DYNLL1: variants seen among roughly 807,000 people sequenced by gnomAD.
DYNLL1 encodes dynein light chain LC8-type 1.
In DYNLL1, 3 loss-of-function variants were observed where a neutral mutation model predicts 10.1. The observed-to-expected ratio is 0.30, with a 90% CI of 0.14 to 0.77. The LOEUF is 0.77. Ranked by LOEUF, DYNLL1 falls within the 30% of genes least tolerant of loss-of-function variation. The pLI is 0.66. For missense variants in DYNLL1, 47 were observed against 111.7 expected (o/e 0.42, Z 2.61); for synonymous variants, 46 against 41.2 (o/e 1.12, Z -0.45).
At chr12:120,487,199 C>T (rs910213968) in intron 1 of DYNLL1, among the ~76,000 whole-genome samples, 1 of 142,240 alleles carries the variant, frequency 7.0e-6, no homozygotes, top group African/African-American at 2.6e-5. Context: ...TGGTCTCGAT[C>T]TCTGACCTCG....
At chr12:120,497,077 G>C (rs965415522) in intron 2 of DYNLL1, 1 of 191,628 alleles carries the variant, frequency 5.2e-6, no homozygotes, top group Non-Finnish European at 1.1e-5. Context: ...GGCAGCCTAA[G>C]CCGTGGGAGG....
chr12:120,496,616 G>T (rs777915179), intron 2 of DYNLL1, 63 bp downstream of exon 2: 7 of 1,613,538 alleles, frequency 4.3e-6, no homozygotes, highest in Middle Eastern at 1.6e-4. Context: ...CCCCGATCCT[G>T]CTTTCCTAAG....
intron 2 of DYNLL1, chr12:120,496,773 C>G (rs1483398545): frequency 1.5e-6 from 1 of 657,964 alleles, no homozygotes; most frequent in African/African-American, 1.8e-5. Context: ...TTACCCAGCT[C>G]CGCGGGGGGA....
chr12:120,479,876 C>G, intron 1 of DYNLL1, among the ~76,000 whole-genome samples: 1 of 152,174 alleles, frequency 6.6e-6, no homozygotes, highest in East Asian at 1.9e-4. Context: ...TTAGATTACA[C>G]ATGTCAGTCC....
rs993174939 is a variant in DYNLL1, at chr12:120,496,154, G to T, written c.-69G>T. 63 of 575,576 alleles carry T rather than the reference G, an allele frequency of 1.1e-4. No individual in the cohort carries two copies. The Middle Eastern group carries it at 3.3e-3, about 30-fold the overall frequency. 35.7% of individuals were successfully genotyped at this position (575,576 alleles called of 1,614,324 possible). A position where few individuals can be genotyped will look rare whatever the true frequency, so the allele number is the denominator to read the frequency against. On this transcript the variant is annotated 5_prime_UTR_variant, in exon 1 of 3. Coordinates refer to ENST00000242577, the MANE Select transcript of DYNLL1 (RefSeq NM_003746.3). ...CGGTAGCGACGGTATCTCTAGCCGGGCCTGAGCTGTGCTAGCACCTCCCCC... is the reference window on the plus strand; with the variant it reads ...CGGTAGCGACGGTATCTCTAGCCGGTCCTGAGCTGTGCTAGCACCTCCCCC...
At chr12:120,490,883 A>G (rs1879110722) in intron 1 of DYNLL1, 1 of 152,252 alleles carries the variant, frequency 6.6e-6, no homozygotes, top group Non-Finnish European at 1.5e-5. Context: ...AGTGGTAGCT[A>G]GCATCACTGA....
At chr12:120,482,614 G>T (rs374390844) in intron 1 of DYNLL1, among the ~76,000 whole-genome samples, 6 of 151,926 alleles carry the variant, frequency 3.9e-5, no homozygotes, top group Admixed American at 2.0e-4. Flanking sequence ...GAGCCACCAT[G>T]CCCGGCCTAG....
upstream of DYNLL1, chr12:120,495,890 T>A (rs1471602954): frequency 6.0e-6 from 1 of 166,294 alleles, no homozygotes; most frequent in Non-Finnish European, 1.3e-5. Flanking sequence ...GTGGGCCTCG[T>A]AGCGTGCGGC....
At chr12:120,477,492 T>C (rs1878780746) in intron 1 of DYNLL1, among the ~76,000 whole-genome samples, 1 of 152,060 alleles carries the variant, frequency 6.6e-6, no homozygotes, top group Non-Finnish European at 1.5e-5. Context: ...CAGTCAGGCG[T>C]GGTGGCTCAT....
intron 1 of DYNLL1, among the ~76,000 whole-genome samples, chr12:120,489,036 T>G (rs1415885401): frequency 1.1e-4 from 17 of 152,162 alleles, no homozygotes; most frequent in Admixed American, 1.1e-3. Flanking sequence ...AGAGCTTCTC[T>G]GGGGCAGGTG....
At chr12:120,496,671 A>C (rs1279361591) in intron 2 of DYNLL1, 118 bp downstream of exon 2, 1 of 1,553,008 alleles carries the variant, frequency 6.4e-7, no homozygotes, top group Admixed American at 1.8e-5. Flanking sequence ...CTTGGGGCGT[A>C]GAAGCTTCCA....
intron 1 of DYNLL1, chr12:120,470,226 T>TA (rs1878613889): frequency 6.6e-6 from 1 of 152,294 alleles, no homozygotes; most frequent in Non-Finnish European, 1.5e-5. Context: ...GTAAGACTCT[T>TA]AATGAGTATC....
chr12:120,488,667 T>G (rs1229355734), intron 1 of DYNLL1: 9 of 152,164 alleles, frequency 5.9e-5, no homozygotes, highest in African/African-American at 1.9e-4. Context: ...ATCCCAGCAC[T>G]TTGGGAGGCC....
intron 1 of DYNLL1, among the ~76,000 whole-genome samples, chr12:120,488,976 T>C (rs1212326296): frequency 1.3e-5 from 2 of 152,274 alleles, no homozygotes; most frequent in East Asian, 3.9e-4. Flanking sequence ...AACTCAAGGC[T>C]CATCCTCTAC....
chr12:120,474,652 C>G (rs1878717335), intron 1 of DYNLL1, among the ~76,000 whole-genome samples: 1 of 152,212 alleles, frequency 6.6e-6, no homozygotes, highest in African/African-American at 2.4e-5. Context: ...ATCTGGTTTT[C>G]TCCTTTTCTC....
At chr12:120,492,456 A>G (rs1879156026), upstream of DYNLL1, among the ~76,000 whole-genome samples, 1 of 152,048 alleles carries the variant, frequency 6.6e-6, no homozygotes, top group South Asian at 2.1e-4. This position sits in a 1 kb window ranked among gnomAD's most constrained non-coding sequence, Gnocchi z 4.1. Flanking sequence ...AATCCCAGCT[A>G]CTCGGGAGGC....
At chr12:120,497,412 T>C (rs369267169) in intron 2 of DYNLL1, 1 of 152,604 alleles carries the variant, frequency 6.6e-6, no homozygotes, top group East Asian at 1.9e-4. Flanking sequence ...GGTAGTAGAT[T>C]AGCATCATCC....
chr12:120,489,191 T>C (rs982410676), intron 1 of DYNLL1, among the ~76,000 whole-genome samples: 2 of 152,214 alleles, frequency 1.3e-5, no homozygotes, highest in African/African-American at 4.8e-5. Context: ...GTCCCATTGC[T>C]TTAAATGTCA....
chr12:120,497,202 A>T (rs1401323449), intron 2 of DYNLL1: 1 of 155,552 alleles, frequency 6.4e-6, no homozygotes, highest in African/African-American at 2.4e-5. Flanking sequence ...TCCCCTTCAT[A>T]GCTTTAAAAG....
Sources: allele counts gnomAD v4.1 joint callset (sites outside exome capture counted in the v4.1 genomes callset), GRCh38; gene constraint gnomAD v4.1.1; non-coding constraint Gnocchi (gnomAD v3.1); transcripts MANE v1.5; gene names NCBI Gene and HGNC (gene_info 2026-07-23, HGNC 2026-07-21).